Variants in VPS13B observed in about 807,000 individuals in gnomAD.
The protein encoded by VPS13B is vacuolar protein sorting 13 homolog B, also known as intermembrane lipid transfer protein VPS13B.
In VPS13B, 285 loss-of-function variants were observed where a neutral mutation model predicts 426.4. The ratio of observed to expected loss-of-function variants is 0.67; its 90% confidence interval spans 0.61 to 0.74. VPS13B has a LOEUF of 0.74. Among genes scored for constraint, VPS13B ranks in the 30% least tolerant of loss-of-function variants. The pLI is 0.00. For missense variants in VPS13B, 4,537 were observed against 4,782.6 expected (o/e 0.95, Z 1.51); for synonymous variants, 1,676 against 1,676.4 (o/e 1.00, Z 0.01).
chr8:99,410,406 T>C (rs1331461740), intron 21 of VPS13B, among the ~76,000 whole-genome samples: 2 of 152,090 alleles, frequency 1.3e-5, no homozygotes, highest in Non-Finnish European at 2.9e-5. Flanking sequence ...GTGCATCTTC[T>C]TTCTGTCTGC....
chr8:99,013,370 A>AGGGAGC (rs1042735049), intron 1 of VPS13B, 23 bp downstream of exon 1: 3 of 308,090 alleles, frequency 9.7e-6, no homozygotes, highest in African/African-American at 4.3e-5. Context: ...TGGAGTGCAG[A>AGGGAGC]GGGAGCGGGA....
At chr8:99,864,477 C>T (rs35031559) in intron 58 of VPS13B, among the ~76,000 whole-genome samples, 31,494 of 151,990 alleles carry the variant, frequency 0.21, 3,587 homozygotes, top group African/African-American at 0.31. Flanking sequence ...TCACTTGAGC[C>T]CAGGAGGTCA....
chr8:99,855,706 A>C (rs1216450115), intron 56 of VPS13B, among the ~76,000 whole-genome samples: 1 of 152,224 alleles, frequency 6.6e-6, no homozygotes, highest in East Asian at 1.9e-4. Flanking sequence ...CATATTGGTC[A>C]GATTACATTT....
At position 99,501,866 on chromosome 8, in the gene VPS13B, A is replaced by G; in HGVS notation, c.4042+8A>G. ...CTGAAAATAAAGGCACAGGTACAGG[A>G]TTCCTTTTCTTTCTTCCCTCCCTCC... On this transcript the variant is annotated splice_region_variant and intron_variant, in intron 26 of 61. Coordinates refer to ENST00000357162, the MANE Select transcript of VPS13B (RefSeq NM_152564.5). 1.2e-6 allele frequency: 2 copies of G among 1,611,132 alleles called. No individual in the cohort carries two copies. The highest frequency in any genetic ancestry group is 1.7e-6 in the Non-Finnish European group (2 of 1,179,542).
chr8:99,514,608 A>G (rs1463593872), intron 29 of VPS13B, among the ~76,000 whole-genome samples: 1 of 152,252 alleles, frequency 6.6e-6, no homozygotes, highest in Non-Finnish European at 1.5e-5. Flanking sequence ...TGCATGTATC[A>G]GAACTTCATT....
chr8:99,820,245 G>A, intron 49 of VPS13B, 123 bp downstream of exon 49: 2 of 887,796 alleles, frequency 2.3e-6, no homozygotes, highest in Non-Finnish European at 3.5e-6. Context: ...AGATGCATAT[G>A]TAAGAGGTAT....
At chr8:99,568,629 A>C (rs79005572) in intron 31 of VPS13B, among the ~76,000 whole-genome samples, 1 of 151,802 alleles carries the variant, frequency 6.6e-6, no homozygotes, top group Non-Finnish European at 1.5e-5. Context: ...GATTTAAATT[A>C]TTTATCTTTA....
At chr8:99,765,507 G>T (rs575446982) in intron 39 of VPS13B, among the ~76,000 whole-genome samples, 2 of 152,264 alleles carry the variant, frequency 1.3e-5, no homozygotes, top group Non-Finnish European at 2.9e-5. Flanking sequence ...ATGGGTGCTG[G>T]CAGAAGGAAT....
chr8:99,811,552 A>G (rs1813699321), intron 44 of VPS13B, among the ~76,000 whole-genome samples: 1 of 152,184 alleles, frequency 6.6e-6, no homozygotes, highest in East Asian at 1.9e-4. Context: ...CTGCTGGTCC[A>G]GGGACCACAA....
chr8:99,583,254 A>C (rs1405852527), intron 33 of VPS13B, among the ~76,000 whole-genome samples: 1 of 152,218 alleles, frequency 6.6e-6, no homozygotes, highest in African/African-American at 2.4e-5. Flanking sequence ...AGAATGTTAG[A>C]GAAAAATCTA....
At chr8:99,772,729 CT>C (rs1321002181) in intron 40 of VPS13B, among the ~76,000 whole-genome samples, 2 of 152,082 alleles carry the variant, frequency 1.3e-5, no homozygotes, top group Non-Finnish European at 2.9e-5. Context: ...TAAAAGTGTG[CT>C]TGTTATTTGG....
intron 54 of VPS13B, among the ~76,000 whole-genome samples, chr8:99,838,531 T>C (rs913221298): frequency 1.3e-5 from 2 of 152,252 alleles, no homozygotes; most frequent in Admixed American, 1.3e-4. Flanking sequence ...GCCTGCTTCA[T>C]TCATTCAGTC....
intron 21 of VPS13B, among the ~76,000 whole-genome samples, chr8:99,430,543 G>T (rs1023796007): frequency 6.6e-6 from 1 of 151,950 alleles, no homozygotes; most frequent in Non-Finnish European, 1.5e-5. Flanking sequence ...AATAATTCCT[G>T]AAATCTTTCA....
At chr8:99,150,435 G>A (rs1419019076) in intron 14 of VPS13B, among the ~76,000 whole-genome samples, 1 of 152,152 alleles carries the variant, frequency 6.6e-6, no homozygotes, top group African/African-American at 2.4e-5. Context: ...TTCACTCTTG[G>A]TGTTTTATGT....
chr8:99,574,102 G>T (rs951197021), intron 31 of VPS13B, among the ~76,000 whole-genome samples: 1 of 152,080 alleles, frequency 6.6e-6, no homozygotes, highest in Non-Finnish European at 1.5e-5. Context: ...CTCTCTGTTT[G>T]TCTGTTATTT....
At chr8:99,170,307 C>A in intron 16 of VPS13B, 144 bp downstream of exon 16, 1 of 994,860 alleles carries the variant, frequency 1.0e-6, no homozygotes, top group Non-Finnish European at 1.5e-6. Context: ...TTTACTGAGA[C>A]ACTAAAAGTC....
chr8:99,456,838 C>G (rs1818486462), intron 23 of VPS13B, among the ~76,000 whole-genome samples: 1 of 152,034 alleles, frequency 6.6e-6, no homozygotes, highest in African/African-American at 2.4e-5. Flanking sequence ...TTCATTCTGT[C>G]CTGTTTTTGT....
At chr8:99,267,412 T>C (rs547867401) in intron 17 of VPS13B, among the ~76,000 whole-genome samples, 20 of 152,020 alleles carry the variant, frequency 1.3e-4, no homozygotes, top group African/African-American at 4.6e-4. Flanking sequence ...GTTTGGAAAA[T>C]ATGCAGCCTG....
chr8:99,222,194 C>G (rs1346366359), intron 17 of VPS13B, among the ~76,000 whole-genome samples: 1 of 152,122 alleles, frequency 6.6e-6, no homozygotes, highest in Non-Finnish European at 1.5e-5. Flanking sequence ...ATTTGCTTAG[C>G]TTATGAATAC....
Sources: gnomAD v4.1 joint callset for allele counts (sites outside exome capture counted in the v4.1 genomes callset) on GRCh38, gnomAD v4.1.1 for gene constraint, MANE v1.5 for transcripts, NCBI Gene and HGNC (gene_info 2026-07-23, HGNC 2026-07-21) for gene names.